Variants in CCDC85A observed in about 807,000 individuals in gnomAD.
The protein encoded by CCDC85A is coiled-coil domain containing 85A.
Under a neutral mutation model 50.2 loss-of-function variants are expected in CCDC85A, and 38 were observed. The ratio of observed to expected loss-of-function variants is 0.76; its 90% CI spans 0.58 to 0.99. The LOEUF (loss-of-function observed/expected upper bound fraction) is 0.99. Among genes scored for constraint, CCDC85A ranks in the 50% least tolerant of loss-of-function variants. The probability of loss-of-function intolerance (pLI) is 0.00; values close to 1 mark genes in which losing one functional copy is unlikely to be tolerated. For missense variants in CCDC85A, 820 were observed against 742.0 expected, an observed-to-expected ratio of 1.11 and a Z score of -1.22; for synonymous variants, 366 against 301.4, an observed-to-expected ratio of 1.21 and a Z score of -2.22.
intron 3 of CCDC85A, among the ~76,000 whole-genome samples, chr2:56,367,604 G>C (rs928054271): frequency 6.6e-6 from 1 of 152,032 alleles, no homozygotes; most frequent in Non-Finnish European, 1.5e-5. Context: ...AACATCCTTG[G>C]CCTCTACCCA....
At chr2:56,379,014 A>G (rs1676465626) in intron 5 of CCDC85A, among the ~76,000 whole-genome samples, 1 of 152,238 alleles carries the variant, frequency 6.6e-6, no homozygotes, top group Non-Finnish European at 1.5e-5. Flanking sequence ...ATAAAACTTT[A>G]GACATTTTTA....
chr2:56,355,395 G>C (rs924314721), intron 3 of CCDC85A, among the ~76,000 whole-genome samples: 1 of 152,006 alleles, frequency 6.6e-6, no homozygotes, highest in Admixed American at 6.6e-5. Flanking sequence ...CTTAATTCAC[G>C]TGTGTCTATA....
chr2:56,250,320 A>T (rs1036373292), intron 2 of CCDC85A, among the ~76,000 whole-genome samples: 7 of 152,212 alleles, frequency 4.6e-5, no homozygotes, highest in African/African-American at 1.7e-4. Context: ...CAGAGACTGT[A>T]GTGGAGTTTT....
At chr2:56,330,717 G>A (rs1037895753) in intron 2 of CCDC85A, among the ~76,000 whole-genome samples, 10 of 152,098 alleles carry the variant, frequency 6.6e-5, no homozygotes, top group Non-Finnish European at 2.9e-5. Context: ...GTGACAAAAT[G>A]CCATTTCCCC....
chr2:56,248,279 A>G (rs369176246), intron 2 of CCDC85A, among the ~76,000 whole-genome samples: 22 of 152,242 alleles, frequency 1.4e-4, no homozygotes, highest in African/African-American at 5.3e-4. Flanking sequence ...CTGGCTCTGG[A>G]ACGGTCTCCC....
intron 4 of CCDC85A, among the ~76,000 whole-genome samples, chr2:56,372,994 G>A (rs1676156355): frequency 6.6e-6 from 1 of 152,068 alleles, no homozygotes. Context: ...TGTATTAGTC[G>A]ACTGAGAGTA....
chr2:56,287,061 C>T (rs376698531), intron 2 of CCDC85A, among the ~76,000 whole-genome samples: 20 of 152,290 alleles, frequency 1.3e-4, no homozygotes, highest in African/African-American at 4.8e-4. Context: ...TCCACTCTGA[C>T]TGAACCAGGG....
Position 56,280,939 on chromosome 2 carries a change from C to CT in CCDC85A, c.1241-61933dup, listed in dbSNP as rs892488700. Among the ~76,000 whole-genome samples, 9 of 152,212 alleles carry CT rather than the reference C, an allele frequency of 5.9e-5. No individual in the cohort carries two copies. The East Asian group carries it at 1.7e-3, about 29-fold the overall frequency. Reference sequence around the variant, plus strand: ...AGCCACCAGAAATCCTAGATTCTTACTTTTTTTAGGTGAAATTTTAAACAA... The same window carrying CT: ...AGCCACCAGAAATCCTAGATTCTTACTTTTTTTTAGGTGAAATTTTAAACAA... On this transcript the variant is annotated intron_variant, in intron 2 of 5. Transcript: ENST00000407595.
chr2:56,228,179 G>A (rs1307146504), intron 2 of CCDC85A, among the ~76,000 whole-genome samples: 1 of 152,152 alleles, frequency 6.6e-6, no homozygotes, highest in African/African-American at 2.4e-5. Flanking sequence ...CAAGCTCTGT[G>A]ATATGGGCAA....
At chr2:56,215,954 G>A (rs1282454108) in intron 2 of CCDC85A, among the ~76,000 whole-genome samples, 4 of 151,990 alleles carry the variant, frequency 2.6e-5, no homozygotes, top group African/African-American at 9.6e-5. Flanking sequence ...CATAAATAAA[G>A]TGTAATTGGA....
intron 2 of CCDC85A, among the ~76,000 whole-genome samples, chr2:56,307,277 AG>A (rs1489833385): frequency 1.3e-5 from 2 of 152,180 alleles, no homozygotes; most frequent in Non-Finnish European, 2.9e-5. Flanking sequence ...TGATAGATAA[AG>A]TTTGTCATGA....
chr2:56,195,180 A>T (rs72801168), intron 2 of CCDC85A, among the ~76,000 whole-genome samples: 3,057 of 152,330 alleles, frequency 0.02, 51 homozygotes, highest in South Asian at 0.047. Flanking sequence ...GGGCTTCTTT[A>T]TATAAAGAAC....
At chr2:56,316,256 G>T (rs56678432) in intron 2 of CCDC85A, among the ~76,000 whole-genome samples, 9,171 of 152,128 alleles carry the variant, frequency 0.06, 927 homozygotes, top group African/African-American at 0.21. Context: ...TTAATCTCTG[G>T]CAGGACACAG....
chr2:56,373,550 A>G (rs1251018214), intron 4 of CCDC85A, among the ~76,000 whole-genome samples: 2 of 152,212 alleles, frequency 1.3e-5, no homozygotes, highest in Admixed American at 6.5e-5. Context: ...ATGCCCAAGC[A>G]AAAGGATGGT....
intron 2 of CCDC85A, among the ~76,000 whole-genome samples, chr2:56,321,215 C>A (rs1006639651): frequency 2.8e-4 from 42 of 152,218 alleles, no homozygotes; most frequent in Admixed American, 6.5e-4. Flanking sequence ...GAAGCATTCC[C>A]TTTGAAAACT....
chr2:56,204,608 G>C (rs1676885846), intron 2 of CCDC85A, among the ~76,000 whole-genome samples: 1 of 152,162 alleles, frequency 6.6e-6, no homozygotes, highest in Non-Finnish European at 1.5e-5. Context: ...AATTGGCTTG[G>C]ACTGGCAGCT....
chr2:56,279,616 T>C (rs562974408), intron 2 of CCDC85A, among the ~76,000 whole-genome samples: 16 of 152,234 alleles, frequency 1.1e-4, no homozygotes, highest in Non-Finnish European at 2.1e-4. Context: ...TCATTTGTAT[T>C]GTGTTCTTCT....
At chr2:56,292,259 A>G (rs1671747324) in intron 2 of CCDC85A, among the ~76,000 whole-genome samples, 2 of 151,768 alleles carry the variant, frequency 1.3e-5, no homozygotes, top group Admixed American at 6.6e-5. Context: ...ATTTTTTTGT[A>G]TTTTTAGTAG....
At chr2:56,269,136 C>T (rs887641018) in intron 2 of CCDC85A, among the ~76,000 whole-genome samples, 4 of 152,154 alleles carry the variant, frequency 2.6e-5, no homozygotes, top group African/African-American at 9.7e-5. Flanking sequence ...TCTGGCTCTG[C>T]ATCTTTGGGC....
Sources: gnomAD v4.1 joint callset for allele counts (sites outside exome capture counted in the v4.1 genomes callset) on GRCh38, gnomAD v4.1.1 for gene constraint, MANE v1.5 for transcripts, NCBI Gene and HGNC (gene_info 2026-07-23, HGNC 2026-07-21) for gene names.